The following PCDHGA2 variants were observed in gnomAD, a reference collection of about 807,000 sequenced individuals.
PCDHGA2 encodes the protein protocadherin gamma subfamily A, 2, also known as protocadherin gamma-A2.
In PCDHGA2, 40 loss-of-function variants were observed where a neutral mutation model predicts 59.2. The observed-to-expected ratio is 0.68, with a 90% CI of 0.52 to 0.88. The LOEUF (loss-of-function observed/expected upper bound fraction) is 0.88, where lower values mean the gene tolerates loss of function less well. PCDHGA2 is among the 40% of genes least tolerant of loss of function. The pLI is 0.00. For missense variants in PCDHGA2, 1,226 were observed against 1,204.0 expected (o/e 1.02, Z -0.27); for synonymous variants, 560 against 526.0 (o/e 1.06, Z -0.89).
intron 1 of PCDHGA2, chr5:141,393,748 G>A (rs368249829): frequency 1.2e-6 from 2 of 1,613,866 alleles, no homozygotes; most frequent in Non-Finnish European, 8.5e-7. Flanking sequence ...TATGAAGAAT[G>A]TTCATTTTAT....
rs6883529 is a variant in PCDHGA2, at chr5:141,427,618, A to G, written c.2425-67189A>G. On this transcript the variant is annotated intron_variant, in intron 1 of 3. Coordinates refer to ENST00000394576, the MANE Select transcript of PCDHGA2 (RefSeq NM_018915.4). ...ACCCTACGCATTGGTGAAGTCAACG[A>G]CAATGCTCCGGTTTTCCACCAAGTC... The G allele has an allele frequency of 3.3e-3, 2,299 of 695,914 alleles. 37 individuals are homozygous for G. In the African/African-American group the frequency reaches 0.033, roughly 10 times the overall value. 43.1% of individuals were successfully genotyped at this position (695,914 alleles called of 1,614,324 possible).
At chr5:141,503,660 C>A (rs2099827842) in intron 2 of PCDHGA2, among the ~76,000 whole-genome samples, 1 of 150,420 alleles carries the variant, frequency 6.6e-6, no homozygotes, top group Non-Finnish European at 1.5e-5. Flanking sequence ...AACAGAATTA[C>A]AACTCTTCCC....
At chr5:141,385,452 G>C in intron 1 of PCDHGA2, 2 of 1,446,532 alleles carry the variant, frequency 1.4e-6, no homozygotes, top group Non-Finnish European at 1.8e-6. Context: ...GAGTTTACCA[G>C]TTTCCTTCAG....
intron 1 of PCDHGA2, chr5:141,365,732 G>T: frequency 6.2e-7 from 1 of 1,613,694 alleles, no homozygotes; most frequent in Non-Finnish European, 8.5e-7. Context: ...CAATCCCAGA[G>T]GTGTCTCTAT....
chr5:141,468,351 A>T (rs1030472813), intron 1 of PCDHGA2: 1 of 149,190 alleles, frequency 6.7e-6, no homozygotes, highest in East Asian at 2.0e-4. Flanking sequence ...AAAAAAAAAG[A>T]AAGAAAAAAG....
At chr5:141,414,279 A>C in intron 1 of PCDHGA2, 1 of 1,613,350 alleles carries the variant, frequency 6.2e-7, no homozygotes, top group Non-Finnish European at 8.5e-7. Flanking sequence ...CTCTGGGAAC[A>C]GTCGTAGCCC....
At chr5:141,414,502 A>G in intron 1 of PCDHGA2, 1 of 1,613,944 alleles carries the variant, frequency 6.2e-7, no homozygotes, top group South Asian at 1.1e-5. Flanking sequence ...AGCTCACTTT[A>G]TGCTACAAGT....
At chr5:141,430,656 G>A in intron 1 of PCDHGA2, 1 of 1,092,670 alleles carries the variant, frequency 9.2e-7, no homozygotes, top group Non-Finnish European at 1.3e-6. Context: ...GGAAACAACG[G>A]AGGAGCTCTG....
intron 1 of PCDHGA2, chr5:141,392,937 G>A: frequency 6.2e-7 from 1 of 1,613,948 alleles, no homozygotes; most frequent in Admixed American, 1.7e-5. Context: ...GACGGACAAA[G>A]GCTCCTTCGT....
chr5:141,383,074 C>T, intron 1 of PCDHGA2: 3 of 1,613,886 alleles, frequency 1.9e-6, no homozygotes, highest in Non-Finnish European at 2.5e-6. Context: ...GCCCCGGGAG[C>T]TGGCGGAGCG....
In PCDHGA2 at chr5:141,398,481, C is replaced by T. The variant is rs377302058; in HGVS notation, c.2424+57086C>T. ...CTGAAAATCCACTGAACTTTTATCACGTGAATGTGGAGATCGAGGACATTA... is the reference window on the plus strand; with the variant it reads ...CTGAAAATCCACTGAACTTTTATCATGTGAATGTGGAGATCGAGGACATTA... On this transcript the variant is annotated intron_variant, in intron 1 of 3. Transcript: ENST00000394576. The T allele has an allele frequency of 6.8e-6, 11 of 1,607,008 alleles. No individual in the cohort carries two copies. In the African/African-American group the frequency reaches 8.1e-5, roughly 12 times the overall value.
chr5:141,493,140 C>T lies in PCDHGA2; in HGVS notation c.2425-1667C>T, dbSNP rs2099746336. Among the ~76,000 whole-genome samples, 1 of 146,374 alleles carries T rather than the reference C, an allele frequency of 6.8e-6. No homozygotes were observed. Among genetic ancestry groups the T allele is most frequent in the African/African-American group, 2.5e-5 (1 of 40,746 alleles). ...GCTCCTAGGACTGTATTTTGAAACACCCCCAGGTGATTTTGATAGCTGATT... is the reference window on the plus strand; with the variant it reads ...GCTCCTAGGACTGTATTTTGAAACATCCCCAGGTGATTTTGATAGCTGATT... On this transcript the variant is annotated intron_variant, in intron 1 of 3. Transcript: ENST00000394576. This position sits in a 1 kb window ranked among gnomAD's most constrained non-coding sequence, Gnocchi z 4.3.
chr5:141,433,090 C>T, intron 1 of PCDHGA2: 2 of 1,614,210 alleles, frequency 1.2e-6, no homozygotes, highest in Non-Finnish European at 1.7e-6. Flanking sequence ...ACTATGCAGA[C>T]ATGCTCGTCA....
intron 1 of PCDHGA2, among the ~76,000 whole-genome samples, chr5:141,449,345 T>C (rs2154562594): frequency 1.3e-5 from 2 of 151,644 alleles, no homozygotes; most frequent in South Asian, 4.2e-4. Context: ...AGTGGCTCAC[T>C]CCTGTAATCC....
intron 1 of PCDHGA2, chr5:141,360,663 G>A: frequency 6.2e-7 from 1 of 1,613,928 alleles, no homozygotes; most frequent in South Asian, 1.1e-5. Context: ...ATGACAACGA[G>A]TACTTTGATC....
chr5:141,468,952 G>GA (rs2099186671), intron 1 of PCDHGA2, among the ~76,000 whole-genome samples: 1 of 151,198 alleles, frequency 6.6e-6, no homozygotes. Context: ...TAAACCTGTG[G>GA]TTTTTTTTAC....
chr5:141,505,284 G>A, intron 2 of PCDHGA2, 109 bp from the exon 3 acceptor site: 1 of 1,548,402 alleles, frequency 6.5e-7, no homozygotes. Flanking sequence ...CAGGTCTTGG[G>A]CATGGGGTAG....
intron 1 of PCDHGA2, chr5:141,371,951 C>A: frequency 6.2e-7 from 1 of 1,613,306 alleles, no homozygotes; most frequent in Non-Finnish European, 8.5e-7. Flanking sequence ...CGCAGCGAGC[C>A]TTCGACCACG....
In PCDHGA2 at chr5:141,512,243, C is replaced by T. The variant is rs1205585993; in HGVS notation, c.*1070C>T. ...AGGTCCCCTTGAGAGGTCAGAGGGG[C>T]CTCTGTGGGTGCTGGGTACTCCAGA... On this transcript the variant is annotated 3_prime_UTR_variant, in exon 4 of 4. Transcript: ENST00000394576. 2 of 152,728 alleles carry T rather than the reference C, an allele frequency of 1.3e-5. No homozygotes were observed. The highest frequency in any genetic ancestry group is 1.5e-5 in the Non-Finnish European group (1 of 68,138). 9.5% of individuals were successfully genotyped at this position (152,728 alleles called of 1,614,324 possible).
Sources: gnomAD v4.1 joint callset for allele counts (sites outside exome capture counted in the v4.1 genomes callset) on GRCh38, gnomAD v4.1.1 for gene constraint, Gnocchi (gnomAD v3.1) non-coding constraint, MANE v1.5 for transcripts, NCBI Gene and HGNC (gene_info 2026-07-23, HGNC 2026-07-21) for gene names.